The following ERO1A variants were observed in gnomAD, a reference collection of about 807,000 sequenced individuals.
ERO1A encodes ERO1-like protein alpha.
Under a neutral mutation model 76.9 loss-of-function variants are expected in ERO1A, and 49 were observed. That is an observed-to-expected ratio of 0.64 (90% confidence interval 0.51 to 0.81). The LOEUF is 0.81. Ranked by LOEUF, ERO1A falls within the 30% of genes least tolerant of loss-of-function variation. The pLI is 0.00. For synonymous variants in ERO1A, 174 were observed against 181.2 expected, an observed-to-expected ratio of 0.96 and a Z score of 0.32; for missense variants, 448 against 542.1, an observed-to-expected ratio of 0.83 and a Z score of 1.72.
intron 11 of ERO1A, 49 bp from the exon 12 acceptor site, chr14:52,653,364 T>C (rs2039941184): frequency 6.8e-7 from 1 of 1,468,072 alleles, no homozygotes; most frequent in African/African-American, 1.4e-5. Flanking sequence ...TGACAATTTT[T>C]ACTTTAATTA....
rs202032759 is a variant in ERO1A, at chr14:52,642,637, T to C, written c.*933A>G. ...TTTCAAATGATTGAGGAAAAATTTG[T>C]GTGTGTGTGTGTGTGTACAGAGAAA... is the stretch of plus-strand genomic sequence containing the variant. On this transcript the variant is annotated 3_prime_UTR_variant, in exon 16 of 16. Transcript: ENST00000395686. 6.6e-6 allele frequency: 1 copy of C among 150,826 alleles called. No homozygotes were observed. Among genetic ancestry groups the C allele is most frequent in the East Asian group, 1.9e-4 (1 of 5,164 alleles). The allele number at this position is 150,826 out of a possible 1,614,324, so 9.3% of individuals were successfully genotyped here.
chr14:52,689,147 T>C (rs1201510836), intron 1 of ERO1A, among the ~76,000 whole-genome samples: 1 of 152,084 alleles, frequency 6.6e-6, no homozygotes, highest in Non-Finnish European at 1.5e-5. Context: ...AGACACAGGG[T>C]TTCACCATGT....
chr14:52,649,091 A>T (rs2039767014), intron 13 of ERO1A, among the ~76,000 whole-genome samples: 1 of 152,232 alleles, frequency 6.6e-6, no homozygotes, highest in African/African-American at 2.4e-5. Flanking sequence ...TAAAATAACC[A>T]GTACCTAAAT....
Position 52,640,187 on chromosome 14 carries a change from A to G in ERO1A, c.*3383T>C, listed in dbSNP as rs1350897329. The G allele has an allele frequency of 6.6e-6, 1 of 152,224 alleles. No homozygotes were observed. Among genetic ancestry groups the G allele is most frequent in the Non-Finnish European group, 1.5e-5 (1 of 68,046 alleles). 9.4% of individuals were successfully genotyped at this position (152,224 alleles called of 1,614,324 possible). On this transcript the variant is annotated 3_prime_UTR_variant, in exon 16 of 16. Transcript: ENST00000395686. ...TCTAGTAAAGACTTTTGAAAAATAA[A>G]ACAATACAGTACGATTTAAGTGACA...
intron 13 of ERO1A, among the ~76,000 whole-genome samples, chr14:52,651,149 T>A (rs973544507): frequency 6.0e-5 from 9 of 149,130 alleles, no homozygotes; most frequent in Non-Finnish European, 1.3e-4. Context: ...CATGGTGATA[T>A]GTGCCTGTGG....
At chr14:52,685,659 T>C (rs2041152924) in intron 1 of ERO1A, among the ~76,000 whole-genome samples, 1 of 152,154 alleles carries the variant, frequency 6.6e-6, no homozygotes, top group East Asian at 1.9e-4. Context: ...TTTCAAGGCA[T>C]CCATTCTTCC....
At chr14:52,684,094 G>T (rs1343617111) in intron 1 of ERO1A, among the ~76,000 whole-genome samples, 187 bp from the exon 2 acceptor site, 1 of 147,728 alleles carries the variant, frequency 6.8e-6, no homozygotes, top group African/African-American at 2.5e-5. Flanking sequence ...ATATACCGAG[G>T]AATGGAAGGT....
intron 4 of ERO1A, among the ~76,000 whole-genome samples, chr14:52,672,790 A>C (rs1011200391): frequency 4.7e-5 from 7 of 150,430 alleles, no homozygotes; most frequent in African/African-American, 9.8e-5. Flanking sequence ...AAAAAAAAAA[A>C]AAACAAAAAA....
intron 6 of ERO1A, among the ~76,000 whole-genome samples, chr14:52,669,071 C>A (rs1365389171): frequency 6.6e-6 from 1 of 152,066 alleles, no homozygotes; most frequent in Non-Finnish European, 1.5e-5. Context: ...TGAATAGAAC[C>A]TGTTTTTGAC....
intron 8 of ERO1A, among the ~76,000 whole-genome samples, chr14:52,663,372 G>T (rs2139682425): frequency 6.6e-6 from 1 of 152,156 alleles, no homozygotes. Context: ...GGCCGAGGCG[G>T]GTGGATCATG....
intron 6 of ERO1A, 27 bp downstream of exon 6, chr14:52,671,603 C>A: frequency 2.0e-6 from 3 of 1,519,956 alleles, no homozygotes; most frequent in Non-Finnish European, 1.8e-6. Context: ...ATTTTAAACA[C>A]AATGCATACT....
intron 1 of ERO1A, among the ~76,000 whole-genome samples, chr14:52,693,611 T>G (rs754942289): frequency 1.3e-5 from 2 of 152,116 alleles, no homozygotes; most frequent in Admixed American, 6.6e-5. Context: ...CACCTCAGTG[T>G]CCCAAGTAGC....
At chr14:52,681,818 A>G (rs912908679) in intron 3 of ERO1A, among the ~76,000 whole-genome samples, 1 of 152,220 alleles carries the variant, frequency 6.6e-6, no homozygotes, top group African/African-American at 2.4e-5. Context: ...GAGGGGGGGA[A>G]TTTTGTTTAT....
intron 6 of ERO1A, among the ~76,000 whole-genome samples, chr14:52,669,729 G>C (rs2040534498): frequency 6.7e-6 from 1 of 148,826 alleles, no homozygotes; most frequent in Admixed American, 6.7e-5. Flanking sequence ...AGTTTTCAGA[G>C]TTTCCAGATT....
intron 1 of ERO1A, among the ~76,000 whole-genome samples, chr14:52,687,656 T>C (rs2041221002): frequency 6.6e-6 from 1 of 152,180 alleles, no homozygotes; most frequent in Non-Finnish European, 1.5e-5. Context: ...ATTACTACGC[T>C]ATATCCCAAA....
At chr14:52,686,800 G>T (rs2041190838) in intron 1 of ERO1A, among the ~76,000 whole-genome samples, 2 of 151,938 alleles carry the variant, frequency 1.3e-5, no homozygotes, top group Non-Finnish European at 2.9e-5. Flanking sequence ...GCTTGAACCG[G>T]GGAGGCAGAG....
chr14:52,663,114 G>T (rs2040282115), intron 8 of ERO1A, among the ~76,000 whole-genome samples: 1 of 152,092 alleles, frequency 6.6e-6, no homozygotes, highest in African/African-American at 2.4e-5. Flanking sequence ...ATAAAGACAT[G>T]TAAAGTTGAA....
intron 7 of ERO1A, among the ~76,000 whole-genome samples, chr14:52,664,692 G>A (rs1472350743): frequency 6.6e-6 from 1 of 152,006 alleles, no homozygotes; most frequent in Non-Finnish European, 1.5e-5. Context: ...CTTTGAGACA[G>A]AGTCATTCTT....
chr14:52,675,557 T>A (rs978480317), intron 4 of ERO1A, among the ~76,000 whole-genome samples: 2 of 151,968 alleles, frequency 1.3e-5, no homozygotes, highest in African/African-American at 4.9e-5. Flanking sequence ...TATGTAAATG[T>A]ACTCTCTGCA....
Sources: allele counts gnomAD v4.1 joint callset (sites outside exome capture counted in the v4.1 genomes callset), GRCh38; gene constraint gnomAD v4.1.1; transcripts MANE v1.5; gene names NCBI Gene and HGNC (gene_info 2026-07-23, HGNC 2026-07-21).